FAM114A2: variants seen among roughly 807,000 people sequenced by gnomAD.
FAM114A2 encodes the protein family with sequence similarity 114 member A2, also known as protein FAM114A2.
Under a neutral mutation model 58.4 loss-of-function variants are expected in FAM114A2, and 53 were observed. The observed-to-expected ratio is 0.91, with a 90% CI of 0.73 to 1.14. The LOEUF (loss-of-function observed/expected upper bound fraction) is 1.14, where lower values mean the gene tolerates loss of function less well. Ranked by LOEUF, FAM114A2 falls within the 50% of genes most tolerant of loss-of-function variation. The pLI is 0.00. For missense variants in FAM114A2, 601 were observed against 581.1 expected (o/e 1.03, Z -0.35); for synonymous variants, 228 against 211.4 (o/e 1.08, Z -0.68).
chr5:154,037,967 T>C (rs1445484205), intron 1 of FAM114A2, among the ~76,000 whole-genome samples: 1 of 152,104 alleles, frequency 6.6e-6, no homozygotes, highest in Non-Finnish European at 1.5e-5. Context: ...GTTTATATTA[T>C]CATTACTATC....
In FAM114A2 at chr5:153,990,269, T is replaced by C. The variant is rs541981530; in HGVS notation, c.*2707A>G. 1.3e-5 allele frequency: 2 copies of C among 152,270 alleles called. No individual in the cohort carries two copies. The highest frequency in any genetic ancestry group is 4.8e-5 in the African/African-American group (2 of 41,556). The allele number at this position is 152,270 out of a possible 1,614,324, so 9.4% of individuals were successfully genotyped here. A position where few individuals can be genotyped will look rare whatever the true frequency, so the allele number is the denominator to read the frequency against. On this transcript the variant is annotated 3_prime_UTR_variant, in exon 14 of 14. Coordinates refer to ENST00000351797, the MANE Select transcript of FAM114A2 (RefSeq NM_018691.4). Reference sequence around the variant, plus strand: ...TCTATTTCTCAAATGGAGATATCAATAGCAACTACCTATAAAATAGCTCTC... The same window carrying C: ...TCTATTTCTCAAATGGAGATATCAACAGCAACTACCTATAAAATAGCTCTC...
chr5:153,995,504 G>A (rs1255208022), intron 12 of FAM114A2, among the ~76,000 whole-genome samples: 1 of 152,036 alleles, frequency 6.6e-6, no homozygotes, highest in Non-Finnish European at 1.5e-5. Context: ...AAGTGAAGCT[G>A]TACCAAAAGA....
intron 8 of FAM114A2, 109 bp from the exon 9 acceptor site, chr5:154,011,429 T>C (rs1240708134): frequency 4.4e-6 from 3 of 682,108 alleles, no homozygotes; most frequent in Non-Finnish European, 7.9e-6. Context: ...ACAGTAGTAG[T>C]AATAACAATA....
At chr5:154,033,000 T>C (rs1419162901) in intron 4 of FAM114A2, among the ~76,000 whole-genome samples, 2 of 152,236 alleles carry the variant, frequency 1.3e-5, no homozygotes, top group African/African-American at 4.8e-5. Flanking sequence ...CAGCCATGTT[T>C]ATACATGTGA....
chr5:154,023,521 G>A (rs978748098), intron 8 of FAM114A2, among the ~76,000 whole-genome samples: 1 of 152,130 alleles, frequency 6.6e-6, no homozygotes, highest in Non-Finnish European at 1.5e-5. Flanking sequence ...AGTAACTCAG[G>A]AATGGAAAAC....
At chr5:154,017,163 C>G (rs1396835641) in intron 8 of FAM114A2, among the ~76,000 whole-genome samples, 1 of 152,210 alleles carries the variant, frequency 6.6e-6, no homozygotes, top group Non-Finnish European at 1.5e-5. Context: ...ATGAGATAGG[C>G]TGGGTGCAGT....
Position 154,028,152 on chromosome 5 carries a change from A to G in FAM114A2, c.627T>C (p.Ser209=), listed in dbSNP as rs771227234. ...AACAGGTAAGGATAATCAGTACCTG[A>G]GATAGTGTAGCATTTCGGTTCATCA... is the stretch of plus-strand genomic sequence containing the variant. ...KGLMNRNATL[S]QVLREAKEKE... is the part of the protein sequence containing the mutation. The change falls in exon 6 of 14, where the codon TCT becomes TCC. Residue 209 remains serine, a synonymous_variant. Transcript: ENST00000351797. 1 of 1,610,318 alleles carries G rather than the reference A, an allele frequency of 6.2e-7. No homozygotes were observed. The highest frequency in any genetic ancestry group is 1.1e-5 in the South Asian group (1 of 90,670).
intron 8 of FAM114A2, among the ~76,000 whole-genome samples, chr5:154,013,616 G>C (rs909353170): frequency 6.6e-6 from 1 of 152,102 alleles, no homozygotes; most frequent in Non-Finnish European, 1.5e-5. Flanking sequence ...TCTCTGAATG[G>C]TATTTAAAGA....
At chr5:153,993,704 A>G (rs1769383846) in intron 13 of FAM114A2, among the ~76,000 whole-genome samples, 1 of 152,128 alleles carries the variant, frequency 6.6e-6, no homozygotes, top group African/African-American at 2.4e-5. Flanking sequence ...AAAAGCCCTC[A>G]CCTTTCAAAA....
intron 12 of FAM114A2, among the ~76,000 whole-genome samples, chr5:153,997,006 A>C (rs1383098628): frequency 1.3e-5 from 2 of 151,810 alleles, no homozygotes; most frequent in South Asian, 4.2e-4. Flanking sequence ...AAAAAAAAAA[A>C]AAAAGAAAGA....
chr5:154,008,450 A>G (rs1226136851), intron 9 of FAM114A2, among the ~76,000 whole-genome samples: 5 of 152,218 alleles, frequency 3.3e-5, no homozygotes, highest in African/African-American at 1.2e-4. Context: ...CCAAAATTTG[A>G]AATTTTTTGA....
At chr5:154,001,517 G>A (rs1282825154) in intron 11 of FAM114A2, among the ~76,000 whole-genome samples, 1 of 152,146 alleles carries the variant, frequency 6.6e-6, no homozygotes, top group Non-Finnish European at 1.5e-5. Flanking sequence ...GTAGTGGGAT[G>A]GTGATGGTGC....
intron 8 of FAM114A2, among the ~76,000 whole-genome samples, chr5:154,014,655 C>T (rs969192378): frequency 6.6e-6 from 1 of 152,168 alleles, no homozygotes; most frequent in Non-Finnish European, 1.5e-5. Flanking sequence ...CCCCTGTGGG[C>T]TCGCTGGGTC....
chr5:154,007,134 C>T (rs1333073742), intron 9 of FAM114A2, among the ~76,000 whole-genome samples: 3 of 152,060 alleles, frequency 2.0e-5, no homozygotes, highest in African/African-American at 7.3e-5. Flanking sequence ...CCCAAAGTGA[C>T]CTCTCTTGTA....
In FAM114A2 at chr5:154,034,863, C is replaced by T; in HGVS notation, c.91G>A (p.Glu31Lys). The change falls in exon 2 of 14, where the codon GAG becomes AAG. Residue 31 changes from glutamate to lysine, a missense_variant. Coordinates refer to ENST00000351797, the MANE Select transcript of FAM114A2 (RefSeq NM_018691.4). ...GGTTTGGCACCTTGGTCAACAGACT[C>T]AGAATTCTTGGCTGGCTCACAGTTT... ...DGNCEPAKNS[E>K]SVDQGAKPES... 1 of 1,614,010 alleles carries T rather than the reference C, an allele frequency of 6.2e-7. No individual in the cohort carries two copies. Among genetic ancestry groups the T allele is most frequent in the South Asian group, 1.1e-5 (1 of 91,080 alleles).
Position 153,993,469 on chromosome 5 carries a change from AG to A in FAM114A2, c.1384-360del, listed in dbSNP as rs1320727496. On this transcript the variant is annotated intron_variant, in intron 13 of 13. Coordinates refer to ENST00000351797, the MANE Select transcript of FAM114A2 (RefSeq NM_018691.4). ...TCAATTACTGAAAGAGGCTTTCAGA[AG>A]GCTATAAATCCTACACCTATAGAAT... Among the ~76,000 whole-genome samples the A allele has an allele frequency of 1.8e-4, 27 of 152,196 alleles. 1 individual carries two copies. The highest frequency in any genetic ancestry group is 1.8e-3 in the Admixed American group (27 of 15,282).
intron 13 of FAM114A2, among the ~76,000 whole-genome samples, chr5:153,993,823 A>G (rs564850551): frequency 7.2e-4 from 110 of 152,330 alleles, no homozygotes; most frequent in African/African-American, 2.6e-3. Flanking sequence ...GGGAGCCCAT[A>G]TCAAGTGATA....
Position 154,029,585 on chromosome 5 carries a change from AAGAGGG to A in FAM114A2, c.404-11_404-6del. The A allele has an allele frequency of 6.5e-7, 1 of 1,536,458 alleles. No individual in the cohort carries two copies. Reference sequence around the variant, plus strand: ...TCTCTTTGGCATTTGTCTCTCCTACAAGAGGGAGGGGATGTGTAAACATGAAGGGAA... The same window carrying A: ...TCTCTTTGGCATTTGTCTCTCCTACAAGGGGATGTGTAAACATGAAGGGAA... On this transcript the variant is annotated splice_polypyrimidine_tract_variant and splice_region_variant and intron_variant, in intron 4 of 13. Transcript: ENST00000351797.
chr5:154,028,149 C>G lies in FAM114A2; in HGVS notation c.630G>C (p.Gln210His). ...GLMNRNATLS[Q>H]VLREAKEKEE... ...GTAAACAGGTAAGGATAATCAGTACCTGAGATAGTGTAGCATTTCGGTTCA... is the reference window on the plus strand; with the variant it reads ...GTAAACAGGTAAGGATAATCAGTACGTGAGATAGTGTAGCATTTCGGTTCA... Residue 210 changes from glutamine (Q) to histidine (H), a missense_variant and splice_region_variant, in exon 6 of 14, where the codon CAG becomes CAC. Gln to His is a conservative substitution (Grantham distance 24, BLOSUM62 0). Coordinates refer to ENST00000351797, the MANE Select transcript of FAM114A2 (RefSeq NM_018691.4). 1.2e-6 allele frequency: 2 copies of G among 1,609,138 alleles called. No homozygotes were observed. The highest frequency in any genetic ancestry group is 1.7e-6 in the Non-Finnish European group (2 of 1,177,348).
Sources: allele counts gnomAD v4.1 joint callset (sites outside exome capture counted in the v4.1 genomes callset), GRCh38; gene constraint gnomAD v4.1.1; transcripts MANE v1.5; gene names NCBI Gene and HGNC (gene_info 2026-07-23, HGNC 2026-07-21).